The following IKZF2 variants were observed in gnomAD, a reference collection of about 807,000 sequenced individuals.
The protein encoded by IKZF2 is zinc finger protein Helios.
IKZF2 carries 15 observed loss-of-function variants against 49.2 expected under a neutral mutation model. The ratio of observed to expected loss-of-function variants is 0.30; its 90% CI spans 0.20 to 0.47. The LOEUF (loss-of-function observed/expected upper bound fraction) is 0.47. IKZF2 is among the 20% of genes least tolerant of loss of function. The pLI is 1.00. For missense variants in IKZF2, 567 were observed against 664.6 expected (o/e 0.85, Z 1.61); for synonymous variants, 227 against 221.4 (o/e 1.03, Z -0.23).
intron 4 of IKZF2, among the ~76,000 whole-genome samples, chr2:213,116,256 T>C (rs902591896): frequency 6.6e-6 from 1 of 152,214 alleles, no homozygotes; most frequent in Non-Finnish European, 1.5e-5. Context: ...TGAAACAGTG[T>C]TGAGGACGTA....
intron 7 of IKZF2, 146 bp from the exon 8 acceptor site, chr2:213,014,080 G>A: frequency 1.6e-6 from 1 of 639,632 alleles, no homozygotes; most frequent in Non-Finnish European, 2.7e-6. Flanking sequence ...TAGTGTGAAA[G>A]TATACTCTTT....
chr2:213,123,656 T>G (rs892897201), intron 4 of IKZF2, among the ~76,000 whole-genome samples: 1 of 152,098 alleles, frequency 6.6e-6, no homozygotes, highest in African/African-American at 2.4e-5. Flanking sequence ...AACAATAAGA[T>G]ACAAGTTATT....
At chr2:213,079,905 C>A (rs769096697) in intron 4 of IKZF2, among the ~76,000 whole-genome samples, 1 of 152,114 alleles carries the variant, frequency 6.6e-6, no homozygotes, top group African/African-American at 2.4e-5. Context: ...CTATCACCTG[C>A]CCCCAATCAA....
chr2:213,036,339 C>T (rs1158331435), intron 6 of IKZF2, among the ~76,000 whole-genome samples: 1 of 152,156 alleles, frequency 6.6e-6, no homozygotes, highest in Non-Finnish European at 1.5e-5. Flanking sequence ...AAACTTGACT[C>T]TACTTATCTG....
Position 213,147,013 on chromosome 2 carries a change from T to C in IKZF2, c.139+695A>G, listed in dbSNP as rs2061097571. Among the ~76,000 whole-genome samples, 3 of 152,198 alleles carry C rather than the reference T, an allele frequency of 2.0e-5. No individual in the cohort carries two copies. The South Asian group carries it at 6.2e-4, about 32-fold the overall frequency. ...AGCAACCATATTCTTAATAAAGTAT[T>C]TTGTCTTCTGTCACTGACAGCATGT... is the stretch of plus-strand genomic sequence containing the variant. On this transcript the variant is annotated intron_variant, in intron 4 of 8. Coordinates refer to ENST00000434687, the MANE Select transcript of IKZF2 (RefSeq NM_001387220.1).
intron 8 of IKZF2, among the ~76,000 whole-genome samples, chr2:213,012,152 C>T (rs1225214005): frequency 6.6e-6 from 1 of 151,908 alleles, no homozygotes; most frequent in Non-Finnish European, 1.5e-5. Flanking sequence ...GAAGTAGTTA[C>T]TATGGCTACT....
chr2:213,098,149 A>C (rs1010717549), intron 4 of IKZF2, among the ~76,000 whole-genome samples: 1 of 152,084 alleles, frequency 6.6e-6, no homozygotes, highest in African/African-American at 2.4e-5. Flanking sequence ...CCCTACCCCT[A>C]TTTTTATTAA....
At chr2:213,148,526 G>A (rs1464964648) in intron 3 of IKZF2, 70 bp downstream of exon 3, 1 of 1,019,768 alleles carries the variant, frequency 9.8e-7, no homozygotes, top group African/African-American at 1.6e-5. Context: ...TCATAATCCA[G>A]GAATTAAAAC....
intron 7 of IKZF2, among the ~76,000 whole-genome samples, chr2:213,019,401 T>C (rs575669077): frequency 7.9e-5 from 12 of 152,268 alleles, no homozygotes; most frequent in African/African-American, 2.6e-4. Flanking sequence ...GCCAAGCTAT[T>C]TATATGAGAC....
chr2:213,144,638 T>A (rs1182385623), intron 4 of IKZF2, among the ~76,000 whole-genome samples: 2 of 152,058 alleles, frequency 1.3e-5, no homozygotes, highest in East Asian at 3.9e-4. Context: ...CACTTAACAC[T>A]GTGTATTTCC....
At chr2:213,068,612 T>A (rs1020648657) in intron 4 of IKZF2, among the ~76,000 whole-genome samples, 7 of 152,046 alleles carry the variant, frequency 4.6e-5, no homozygotes, top group Middle Eastern at 6.3e-3. Context: ...ATAAATTTAT[T>A]TATACAAAAT....
At position 213,066,311 on chromosome 2, in the gene IKZF2, C is replaced by T. The variant is rs546065983; in HGVS notation, c.140-9212G>A. On this transcript the variant is annotated intron_variant, in intron 4 of 8. Transcript: ENST00000434687. ...AAGGAAGAGAGCAGGATTTCTATCA[C>T]TGGGCAACGGCAACAGAGGGAGGGA... 7.1e-4 allele frequency among the ~76,000 whole-genome samples: 108 copies of T among 152,116 alleles called. 2 individuals are homozygous for T. In the South Asian group the frequency reaches 0.021, roughly 30 times the overall value.
Position 213,007,473 on chromosome 2 carries a change from T to C in IKZF2, c.1468A>G (p.Met490Val), listed in dbSNP as rs1695449584. The change falls in exon 9 of 9, where the codon ATG (methionine) becomes GTG (valine). Residue 490 changes from methionine to valine, a missense_variant. Met to Val is a conservative substitution (Grantham distance 21). Around this residue, in one of 5 missense-constraint regions of IKZF2, gnomAD observed 22 missense variants for 52.3 expected, o/e 0.42. Transcript: ENST00000434687. ...GGGTCCCGGTAGCCATGGCAACCCATGTGAATGGTGTACATGACATGGTCT... is the reference window on the plus strand; with the variant it reads ...GGGTCCCGGTAGCCATGGCAACCCACGTGAATGGTGTACATGACATGGTCT... ...FLDHVMYTIH[M>V]GCHGYRDPLE... 3 of 1,613,446 alleles carry C rather than the reference T, an allele frequency of 1.9e-6. No homozygotes were observed. Among genetic ancestry groups the C allele is most frequent in the Non-Finnish European group, 8.5e-7 (1 of 1,179,678 alleles).
chr2:213,146,496 C>A (rs1239298078), intron 4 of IKZF2, among the ~76,000 whole-genome samples: 1 of 151,850 alleles, frequency 6.6e-6, no homozygotes, highest in Non-Finnish European at 1.5e-5. Flanking sequence ...AAAGCAAATT[C>A]AAACTCAATC....
intron 4 of IKZF2, among the ~76,000 whole-genome samples, chr2:213,096,341 C>T (rs997206054): frequency 6.6e-6 from 1 of 151,824 alleles, no homozygotes; most frequent in African/African-American, 2.4e-5. Flanking sequence ...GTAACAATGC[C>T]TCATTATATA....
chr2:213,146,923 G>T (rs1295283703), intron 4 of IKZF2, among the ~76,000 whole-genome samples: 1 of 151,930 alleles, frequency 6.6e-6, no homozygotes, highest in African/African-American at 2.4e-5. Context: ...AATTACTTTT[G>T]AGTAAGAGTA....
chr2:213,072,934 C>G (rs1702863853), intron 4 of IKZF2, among the ~76,000 whole-genome samples: 1 of 152,044 alleles, frequency 6.6e-6, no homozygotes, highest in Admixed American at 6.6e-5. Context: ...CTTCAATACT[C>G]TCAAATGATG....
intron 6 of IKZF2, among the ~76,000 whole-genome samples, chr2:213,022,565 C>G (rs1697345859): frequency 6.6e-6 from 1 of 151,816 alleles, no homozygotes; most frequent in South Asian, 2.1e-4. Context: ...TAAAATGCAA[C>G]AACTTGAAAT....
intron 6 of IKZF2, among the ~76,000 whole-genome samples, chr2:213,039,424 T>C (rs1487023542): frequency 1.3e-5 from 2 of 152,186 alleles, no homozygotes; most frequent in African/African-American, 2.4e-5. Context: ...GGGATTTATA[T>C]GGTACATCTG....
Sources: gnomAD v4.1 joint callset for allele counts (sites outside exome capture counted in the v4.1 genomes callset) on GRCh38, gnomAD v4.1.1 for gene constraint, gnomAD v4.1.1 regional missense constraint, MANE v1.5 for transcripts, NCBI Gene and HGNC (gene_info 2026-07-23, HGNC 2026-07-21) for gene names.